INPP4B: variants seen among roughly 807,000 people sequenced by gnomAD.
INPP4B encodes inositol polyphosphate 4-phosphatase type II.
Under a neutral mutation model 122.5 loss-of-function variants are expected in INPP4B, and 55 were observed. The ratio of observed to expected loss-of-function variants is 0.45; its 90% CI spans 0.36 to 0.56. The LOEUF is 0.56. Ranked by LOEUF, INPP4B falls within the 20% of genes least tolerant of loss-of-function variation. The pLI, the probability that INPP4B is intolerant of heterozygous loss-of-function variation, is 0.00. For synonymous variants in INPP4B, 403 were observed against 388.7 expected (o/e 1.04, Z -0.43); for missense variants, 1,000 against 1,097.7 (o/e 0.91, Z 1.26).
In INPP4B at chr4:142,023,852, C is replaced by G. The variant is rs986743950; in HGVS notation, c.*4930G>C. The G allele has an allele frequency of 6.6e-6, 1 of 152,002 alleles. No homozygotes were observed. The highest frequency in any genetic ancestry group is 2.4e-5 in the African/African-American group (1 of 41,414). 9.4% of individuals were successfully genotyped at this position (152,002 alleles called of 1,614,324 possible). On this transcript the variant is annotated 3_prime_UTR_variant, in exon 26 of 26. Coordinates refer to ENST00000262992, the MANE Select transcript of INPP4B (RefSeq NM_001101669.3). ...CCTTGGTACTCACTCTCTGTGGGTA[C>G]CATACTCAATTGTAAATCTTTTAAA...
At chr4:142,394,857 G>C (rs188673482) in intron 7 of INPP4B, among the ~76,000 whole-genome samples, 1 of 151,800 alleles carries the variant, frequency 6.6e-6, no homozygotes, top group Admixed American at 6.6e-5. Context: ...ATTTTTTTGG[G>C]GTCACAGCCA....
At chr4:142,538,985 A>G (rs1394977404) in intron 2 of INPP4B, among the ~76,000 whole-genome samples, 1 of 151,686 alleles carries the variant, frequency 6.6e-6, no homozygotes, top group African/African-American at 2.4e-5. Flanking sequence ...GTAAACCTCA[A>G]ATATTTGTAC....
Position 142,208,899 on chromosome 4 carries a change from T to C in INPP4B, c.964A>G (p.Thr322Ala). 6.4e-7 allele frequency: 1 copy of C among 1,563,380 alleles called. No individual in the cohort carries two copies. Among genetic ancestry groups the C allele is most frequent in the Non-Finnish European group, 8.7e-7 (1 of 1,151,906 alleles). ...AGTAGAGAAATTGCTTCCACACCTG[T>C]TTCCTTGCTAAGTTCTGTCAGAATG... The part of the protein sequence containing the change: ...QDILTELSKE[T>A]GSSFKSSSSK... Residue 322 changes from threonine (T) to alanine (A), a missense_variant, in exon 13 of 26, where the codon ACA becomes GCA. Physicochemically the swap from Thr to Ala is moderately conservative, Grantham distance 58. Transcript: ENST00000262992.
chr4:142,257,327 T>A (rs1026762972), intron 11 of INPP4B, among the ~76,000 whole-genome samples: 1 of 152,118 alleles, frequency 6.6e-6, no homozygotes, highest in African/African-American at 2.4e-5. Context: ...CCACTCCTAT[T>A]CAACATAGTG....
intron 2 of INPP4B, among the ~76,000 whole-genome samples, chr4:142,486,689 C>A (rs764081816): frequency 2.9e-4 from 44 of 152,136 alleles, no homozygotes; most frequent in Non-Finnish European, 5.4e-4. Context: ...ATTTGCTGTA[C>A]AGCATTAGAA....
chr4:142,312,252 G>T (rs1238830523), intron 8 of INPP4B, among the ~76,000 whole-genome samples: 2 of 152,150 alleles, frequency 1.3e-5, no homozygotes, highest in African/African-American at 4.8e-5. Flanking sequence ...AGAGACGCTG[G>T]TCTATAAGTA....
At chr4:142,815,942 C>T (rs1203083065) in intron 1 of INPP4B, among the ~76,000 whole-genome samples, 4 of 152,196 alleles carry the variant, frequency 2.6e-5, no homozygotes, top group South Asian at 2.1e-4. Context: ...TCACTGTAGG[C>T]CTTGTCCACT....
intron 12 of INPP4B, among the ~76,000 whole-genome samples, chr4:142,212,877 T>C (rs1302286346): frequency 6.6e-6 from 1 of 152,194 alleles, no homozygotes; most frequent in African/African-American, 2.4e-5. Context: ...GCATCCTACA[T>C]CAGTGATTGG....
At chr4:142,207,729 A>G (rs924828531) in intron 14 of INPP4B, among the ~76,000 whole-genome samples, 8 of 152,290 alleles carry the variant, frequency 5.3e-5, no homozygotes, top group African/African-American at 1.4e-4. Context: ...CAGGGCATAT[A>G]GTCATCCTAA....
intron 23 of INPP4B, among the ~76,000 whole-genome samples, chr4:142,104,700 C>T (rs779568621): frequency 6.6e-6 from 1 of 152,056 alleles, no homozygotes; most frequent in Non-Finnish European, 1.5e-5. Flanking sequence ...AGGATTGGAT[C>T]CAAGACCCCA....
rs941497973 is a variant in INPP4B, at chr4:142,384,216, T to A, written c.372+18722A>T. On this transcript the variant is annotated intron_variant, in intron 7 of 25. Transcript: ENST00000262992. ...TGTGGGTTAAGACAAAAGAAATACC[T>A]TAGAAAAAACAGGTATTAACTCAAT... 8.9e-6 allele frequency: 6 copies of A among 671,074 alleles called. No homozygotes were observed. The Admixed American group carries it at 1.1e-4, about 12-fold the overall frequency. The allele number at this position is 671,074 out of a possible 1,614,324, so 41.6% of individuals were successfully genotyped here.
intron 8 of INPP4B, among the ~76,000 whole-genome samples, chr4:142,313,055 G>T (rs1309148157): frequency 6.6e-6 from 1 of 152,198 alleles, no homozygotes; most frequent in Non-Finnish European, 1.5e-5. Flanking sequence ...CCTCCCCACT[G>T]CACGTTGCTA....
At chr4:142,447,049 A>G (rs1171014006) in intron 3 of INPP4B, among the ~76,000 whole-genome samples, 1 of 152,238 alleles carries the variant, frequency 6.6e-6, no homozygotes, top group Non-Finnish European at 1.5e-5. Context: ...TGTTTTAAAT[A>G]GTCATTATGA....
At chr4:142,097,334 A>G (rs906418652) in intron 23 of INPP4B, among the ~76,000 whole-genome samples, 3 of 151,398 alleles carry the variant, frequency 2.0e-5, no homozygotes, top group Non-Finnish European at 4.4e-5. Flanking sequence ...GGCTCACTGC[A>G]ACCTCCCACT....
At chr4:142,184,356 G>A (rs1832209758) in intron 15 of INPP4B, among the ~76,000 whole-genome samples, 1 of 152,110 alleles carries the variant, frequency 6.6e-6, no homozygotes, top group African/African-American at 2.4e-5. Flanking sequence ...GAGGTGCAAG[G>A]AAACACTAAT....
intron 8 of INPP4B, among the ~76,000 whole-genome samples, chr4:142,313,172 GA>G (rs1766201226): frequency 6.6e-6 from 1 of 152,054 alleles, no homozygotes. Context: ...GGATTCCCAA[GA>G]ACATGAGTGA....
intron 2 of INPP4B, among the ~76,000 whole-genome samples, chr4:142,711,229 C>CT (rs1362923145): frequency 6.6e-6 from 1 of 152,172 alleles, no homozygotes; most frequent in Non-Finnish European, 1.5e-5. Flanking sequence ...ATAGAATCTT[C>CT]TCAGAGAGGC....
intron 11 of INPP4B, among the ~76,000 whole-genome samples, chr4:142,253,995 C>G (rs559548561): frequency 6.6e-6 from 1 of 152,096 alleles, no homozygotes; most frequent in African/African-American, 2.4e-5. Context: ...TCCCAGCTCG[C>G]AGCTAGAGAT....
intron 7 of INPP4B, among the ~76,000 whole-genome samples, chr4:142,340,637 T>G (rs560940902): frequency 3.9e-4 from 60 of 152,292 alleles, no homozygotes; most frequent in Admixed American, 5.9e-4. Context: ...GGTCTTGAAC[T>G]CCTGGGCTCA....
Sources: gnomAD v4.1 joint callset for allele counts (sites outside exome capture counted in the v4.1 genomes callset) on GRCh38, gnomAD v4.1.1 for gene constraint, MANE v1.5 for transcripts, NCBI Gene and HGNC (gene_info 2026-07-23, HGNC 2026-07-21) for gene names.